IL21R: variants seen among roughly 807,000 people sequenced by gnomAD.
The protein encoded by IL21R is interleukin 21 receptor.
In IL21R, 14 loss-of-function variants were observed where a neutral mutation model predicts 41.3. The observed-to-expected ratio is 0.34, with a 90% CI of 0.22 to 0.53. The LOEUF is 0.53. Among genes scored for constraint, IL21R ranks in the 20% least tolerant of loss-of-function variants. The probability of loss-of-function intolerance (pLI) is 0.94; values close to 1 mark genes in which losing one functional copy is unlikely to be tolerated. For missense variants in IL21R, 588 were observed against 681.6 expected (o/e 0.86, Z 1.53); for synonymous variants, 286 against 287.6 (o/e 0.99, Z 0.05).
chr16:27,441,909 G>T (rs1217333880), intron 4 of IL21R, among the ~76,000 whole-genome samples: 1 of 152,186 alleles, frequency 6.6e-6, no homozygotes, highest in Non-Finnish European at 1.5e-5. Context: ...TACTTGGGAG[G>T]CTGAAGTGGG....
At chr16:27,403,627 T>C (rs936882327) in intron 1 of IL21R, among the ~76,000 whole-genome samples, 4 of 152,214 alleles carry the variant, frequency 2.6e-5, no homozygotes, top group African/African-American at 9.6e-5. Flanking sequence ...ACCCCCATCC[T>C]GGTGGAGCTA....
chr16:27,418,934 G>A (rs975719228), intron 1 of IL21R, among the ~76,000 whole-genome samples: 3 of 149,328 alleles, frequency 2.0e-5, no homozygotes, highest in African/African-American at 4.9e-5. Flanking sequence ...CCTAAGACAC[G>A]CGGGGCATGG....
intron 1 of IL21R, among the ~76,000 whole-genome samples, chr16:27,417,019 C>A (rs2086900715): frequency 6.6e-6 from 1 of 152,154 alleles, no homozygotes; most frequent in African/African-American, 2.4e-5. Context: ...ATCCATTCAC[C>A]AGTCGATAGA....
chr16:27,418,669 C>CTATACTTTTATATG (rs2086946601), intron 1 of IL21R, among the ~76,000 whole-genome samples: 1 of 152,166 alleles, frequency 6.6e-6, no homozygotes, highest in African/African-American at 2.4e-5. Context: ...TGCGCCCCGC[C>CTATACTTTTATATG]AACATTTTTT....
Position 27,417,432 on chromosome 16 carries a change from G to A in IL21R, c.-16-12624G>A, listed in dbSNP as rs142551798. ...CCCTCCCGCCTTGGCCTCCCAGTAT[G>A]CTGGGATTACAGGCATGAGCTACTG... On this transcript the variant is annotated intron_variant, in intron 1 of 8. Coordinates refer to ENST00000337929, the MANE Select transcript of IL21R (RefSeq NM_181078.3). 5.6e-3 allele frequency among the ~76,000 whole-genome samples: 846 copies of A among 152,304 alleles called. 6 individuals carry two copies. The highest frequency in any genetic ancestry group is 0.019 in the African/African-American group (802 of 41,556).
At chr16:27,440,222 A>AATATATATATATATATATATATATATAT (rs60418304) in intron 4 of IL21R, among the ~76,000 whole-genome samples, 2 of 75,898 alleles carry the variant, frequency 2.6e-5, no homozygotes, top group African/African-American at 1.3e-4. Context: ...TAATCTGACA[A>AATATATATATATATATATATATATATAT]ATATATATAT....
In IL21R at chr16:27,450,080, C is replaced by T. The variant is rs747088245; in HGVS notation, c.*797C>T. 15 of 232,348 alleles carry T rather than the reference C, an allele frequency of 6.5e-5. No individual in the cohort carries two copies. The highest frequency in any genetic ancestry group is 1.1e-4 in the Admixed American group (2 of 17,730). 14.4% of individuals were successfully genotyped at this position (232,348 alleles called of 1,614,324 possible). A position where few individuals can be genotyped will look rare whatever the true frequency, so the allele number is the denominator to read the frequency against. On this transcript the variant is annotated 3_prime_UTR_variant, in exon 9 of 9. Coordinates refer to ENST00000337929, the MANE Select transcript of IL21R (RefSeq NM_181078.3). ...ATAAACGTCAGCTTCCTTCCTTCTG[C>T]GGCCAGAGCCGAGGCGGGCGGGGGT... is the stretch of plus-strand genomic sequence containing the variant.
chr16:27,445,375 A>G (rs1002996594), intron 7 of IL21R, 99 bp downstream of exon 7: 5 of 766,668 alleles, frequency 6.5e-6, no homozygotes, highest in Admixed American at 2.1e-5. Flanking sequence ...TCATCATGGT[A>G]ACAATGATGA....
intron 4 of IL21R, 107 bp downstream of exon 4, chr16:27,437,794 C>A: frequency 1.2e-6 from 1 of 857,842 alleles, no homozygotes; most frequent in South Asian, 1.5e-5. Flanking sequence ...TCCCGTGTAG[C>A]TGGGACAACA....
chr16:27,446,313 T>C (rs2087478219), intron 8 of IL21R, among the ~76,000 whole-genome samples: 2 of 152,184 alleles, frequency 1.3e-5, no homozygotes. Context: ...CCAGGTGTGG[T>C]GGCTGACATC....
intron 1 of IL21R, among the ~76,000 whole-genome samples, chr16:27,429,352 C>G (rs746366601): frequency 6.6e-5 from 10 of 152,222 alleles, no homozygotes; most frequent in Non-Finnish European, 5.9e-5. Context: ...TTTTCTCTCT[C>G]CCTTCCTCTC....
chr16:27,402,760 A>C, intron 1 of IL21R, 142 bp downstream of exon 1: 1 of 222,622 alleles, frequency 4.5e-6, no homozygotes, highest in Non-Finnish European at 9.2e-6. Flanking sequence ...ACTGAGGCAA[A>C]GAAGATTCAT....
intron 1 of IL21R, among the ~76,000 whole-genome samples, chr16:27,419,347 C>T (rs1402777669): frequency 6.6e-6 from 1 of 152,238 alleles, no homozygotes; most frequent in East Asian, 1.9e-4. Flanking sequence ...CAAAAACACA[C>T]ATGGAGCTGG....
chr16:27,437,811 C>A, intron 4 of IL21R, 124 bp downstream of exon 4: 2 of 704,956 alleles, frequency 2.8e-6, no homozygotes, highest in Non-Finnish European at 2.5e-6. Context: ...AACAGGTGTA[C>A]ACCACTACAC....
intron 1 of IL21R, among the ~76,000 whole-genome samples, chr16:27,412,235 A>C (rs1270731762): frequency 1.3e-5 from 2 of 152,122 alleles, no homozygotes; most frequent in African/African-American, 4.8e-5. Context: ...TTTGTAGATC[A>C]TTTGACTATA....
chr16:27,445,106 C>T, intron 6 of IL21R, 71 bp from the exon 7 acceptor site: 2 of 1,106,074 alleles, frequency 1.8e-6, no homozygotes, highest in Non-Finnish European at 2.7e-6. Context: ...GACCCATTTC[C>T]CACCATGCCC....
Position 27,405,471 on chromosome 16 carries a change from C to A in IL21R, c.-17+2853C>A, listed in dbSNP as rs187168613. On this transcript the variant is annotated intron_variant, in intron 1 of 8. Transcript: ENST00000337929. ...GCTCTTATGATGATTCTGCTTCCCC[C>A]CTTTTACAGATGGGGAAACTGAAGT... Among the ~76,000 whole-genome samples, 17 of 152,356 alleles carry A rather than the reference C, an allele frequency of 1.1e-4. No homozygotes were observed. In the East Asian group the frequency reaches 3.1e-3, roughly 28 times the overall value.
intron 1 of IL21R, among the ~76,000 whole-genome samples, chr16:27,428,844 C>T (rs756678197): frequency 9.9e-5 from 15 of 152,186 alleles, no homozygotes; most frequent in Admixed American, 4.6e-4. Context: ...GAGTAAGGAG[C>T]CTCATTATTG....
chr16:27,449,408 T>C lies in IL21R; in HGVS notation c.*125T>C. On this transcript the variant is annotated 3_prime_UTR_variant, in exon 9 of 9. Coordinates refer to ENST00000337929, the MANE Select transcript of IL21R (RefSeq NM_181078.3). ...CTCCTGGATGGGCCTTTGAGCCTGA[T>C]GTTTACAGTGTCTGTGTGTGTGTGT... The C allele has an allele frequency of 1.1e-6, 1 of 897,148 alleles. No individual in the cohort carries two copies. Among genetic ancestry groups the C allele is most frequent in the Non-Finnish European group, 1.7e-6 (1 of 604,000 alleles). 55.6% of individuals were successfully genotyped at this position (897,148 alleles called of 1,614,324 possible). A position where few individuals can be genotyped will look rare whatever the true frequency, so the allele number is the denominator to read the frequency against.
Sources: gnomAD v4.1 joint callset for allele counts (sites outside exome capture counted in the v4.1 genomes callset) on GRCh38, gnomAD v4.1.1 for gene constraint, MANE v1.5 for transcripts, NCBI Gene and HGNC (gene_info 2026-07-23, HGNC 2026-07-21) for gene names.